Variants in DCC observed in about 807,000 individuals in gnomAD.
DCC encodes DCC netrin 1 receptor.
A neutral mutation model predicts 172.5 loss-of-function variants in DCC; 58 were observed. The observed-to-expected ratio is 0.34, with a 90% confidence interval of 0.27 to 0.42. The LOEUF is 0.42. Among genes scored for constraint, DCC ranks in the 10% least tolerant of loss-of-function variants. The probability of loss-of-function intolerance (pLI) is 1.00; values close to 1 mark genes in which losing one functional copy is unlikely to be tolerated. For missense variants in DCC, 1,740 were observed against 1,791.0 expected, an observed-to-expected ratio of 0.97 and a Z score of 0.51; for synonymous variants, 709 against 644.5, an observed-to-expected ratio of 1.10 and a Z score of -1.52.
chr18:52,687,443 C>A (rs1410874997), intron 1 of DCC, among the ~76,000 whole-genome samples: 1 of 151,996 alleles, frequency 6.6e-6, no homozygotes, highest in East Asian at 1.9e-4. Flanking sequence ...TGCCACCATG[C>A]CCAGCTAATT....
At chr18:52,467,475 C>A (rs923422695) in intron 1 of DCC, among the ~76,000 whole-genome samples, 21 of 152,130 alleles carry the variant, frequency 1.4e-4, no homozygotes, top group Non-Finnish European at 7.3e-5. Context: ...GATTCGAAGT[C>A]TTTGCTATTT....
At chr18:52,407,885 G>A (rs539579567) in intron 1 of DCC, among the ~76,000 whole-genome samples, 1 of 152,016 alleles carries the variant, frequency 6.6e-6, no homozygotes, top group African/African-American at 2.4e-5. Context: ...TATATGGAAA[G>A]CAATGAGATA....
At position 53,384,357 on chromosome 18, in the gene DCC, G is replaced by A. The variant is rs549735437; in HGVS notation, c.2360-1686G>A. On this transcript the variant is annotated intron_variant, in intron 15 of 28. Coordinates refer to ENST00000442544, the MANE Select transcript of DCC (RefSeq NM_005215.4). ...TTTTTCTAAGTCATATATTATTTTT[G>A]TCTGGATGCCTAAAACATTATTTTA... Among the ~76,000 whole-genome samples, 11 of 151,692 alleles carry A rather than the reference G, an allele frequency of 7.3e-5. No homozygotes were observed. The South Asian group carries it at 1.9e-3, about 26-fold the overall frequency.
chr18:52,509,098 T>C (rs1017826432), intron 1 of DCC, among the ~76,000 whole-genome samples: 5 of 152,244 alleles, frequency 3.3e-5, no homozygotes, highest in Non-Finnish European at 5.9e-5. Flanking sequence ...AACCTATTTT[T>C]TCAACTGTAA....
In DCC at chr18:53,534,438, CTAT is replaced by C. The variant is rs2046553073; in HGVS notation, c.*3786_*3788del. 1 of 152,226 alleles carries C rather than the reference CTAT, an allele frequency of 6.6e-6. No homozygotes were observed. The highest frequency in any genetic ancestry group is 2.4e-5 in the African/African-American group (1 of 41,460). The allele number at this position is 152,226 out of a possible 1,614,324, so 9.4% of individuals were successfully genotyped here. ...ATCCTAACCTGCTCATAACCATATA[CTAT>C]ACAGAGCCCACAACTTTCTGGAGAT... On this transcript the variant is annotated 3_prime_UTR_variant, in exon 29 of 29. Transcript: ENST00000442544.
chr18:52,543,269 AT>A (rs1444777807), intron 1 of DCC, among the ~76,000 whole-genome samples: 1 of 152,248 alleles, frequency 6.6e-6, no homozygotes, highest in Non-Finnish European at 1.5e-5. Context: ...AACCCAATAT[AT>A]TTAAAATGTT....
intron 1 of DCC, among the ~76,000 whole-genome samples, chr18:52,748,586 C>T (rs2036945726): frequency 6.6e-6 from 1 of 152,216 alleles, no homozygotes; most frequent in South Asian, 2.1e-4. Flanking sequence ...CCCACTGCAG[C>T]TTCTTGTCGT....
At chr18:52,345,367 C>T (rs770952531) in intron 1 of DCC, among the ~76,000 whole-genome samples, 23 of 152,142 alleles carry the variant, frequency 1.5e-4, no homozygotes, top group African/African-American at 2.9e-4. Context: ...AAAATGTAAA[C>T]GTCAAGTCTT....
chr18:53,132,911 AGTCAT>A (rs955084484), intron 7 of DCC, among the ~76,000 whole-genome samples: 4 of 152,196 alleles, frequency 2.6e-5, no homozygotes, highest in African/African-American at 7.2e-5. Flanking sequence ...CAAAACTTGT[AGTCAT>A]GTTTACAAGC....
intron 16 of DCC, among the ~76,000 whole-genome samples, chr18:53,389,439 A>G (rs914628779): frequency 6.6e-6 from 1 of 152,204 alleles, no homozygotes; most frequent in Non-Finnish European, 1.5e-5. Context: ...GAAATGCTCT[A>G]TATCTGCATC....
In DCC at chr18:53,442,053, A is replaced by C. The variant is rs137958661; in HGVS notation, c.3229+6844A>C. ...GCTTCAGCCTGTTGCTTTCATAATA[A>C]GTCCTTTCATGAGCCCCCACCAACA... On this transcript the variant is annotated intron_variant, in intron 22 of 28. Transcript: ENST00000442544. 7.2e-3 allele frequency among the ~76,000 whole-genome samples: 1,092 copies of C among 152,266 alleles called. 17 individuals carry two copies. Among genetic ancestry groups the C allele is most frequent in the Admixed American group, 0.027 (409 of 15,288 alleles).
At chr18:52,542,686 A>G (rs1299589590) in intron 1 of DCC, among the ~76,000 whole-genome samples, 2 of 152,054 alleles carry the variant, frequency 1.3e-5, no homozygotes, top group African/African-American at 4.8e-5. Flanking sequence ...AACTACAAAA[A>G]AATTTAGCTG....
intron 2 of DCC, among the ~76,000 whole-genome samples, chr18:52,855,273 G>A (rs190624955): frequency 1.3e-5 from 2 of 152,258 alleles, no homozygotes; most frequent in African/African-American, 4.8e-5. Flanking sequence ...AACAAAGTAT[G>A]GCACTTCCAA....
intron 15 of DCC, among the ~76,000 whole-genome samples, chr18:53,340,339 C>A (rs866932939): frequency 6.6e-6 from 1 of 152,028 alleles, no homozygotes; most frequent in Non-Finnish European, 1.5e-5. Flanking sequence ...TTTTCTTTAA[C>A]CTTGAAATAT....
chr18:52,896,950 T>A (rs1308826062), intron 2 of DCC, among the ~76,000 whole-genome samples: 6 of 152,142 alleles, frequency 3.9e-5, no homozygotes, highest in Admixed American at 1.3e-4. Flanking sequence ...AATTATACAA[T>A]GGGGCAAAGT....
intron 1 of DCC, among the ~76,000 whole-genome samples, chr18:52,569,680 G>T (rs2144756074): frequency 6.6e-6 from 1 of 152,164 alleles, no homozygotes; most frequent in African/African-American, 2.4e-5. Flanking sequence ...TACAATTCTG[G>T]CATTATGCTA....
intron 22 of DCC, among the ~76,000 whole-genome samples, chr18:53,437,858 G>A (rs1912050258): frequency 6.6e-6 from 1 of 152,178 alleles, no homozygotes; most frequent in South Asian, 2.1e-4. Flanking sequence ...TGAGCTATGG[G>A]CGCAAACTGA....
intron 27 of DCC, among the ~76,000 whole-genome samples, chr18:53,524,173 A>G (rs931620307): frequency 4.6e-5 from 7 of 152,088 alleles, no homozygotes; most frequent in African/African-American, 1.7e-4. Flanking sequence ...GAAGTAATAC[A>G]TATGTTAAAT....
chr18:53,481,059 C>T (rs951379520), intron 25 of DCC: 2 of 152,200 alleles, frequency 1.3e-5, no homozygotes, highest in African/African-American at 4.8e-5. Context: ...CCTGGCTTTC[C>T]CCAGCATGAG....
Sources: gnomAD v4.1 joint callset for allele counts (sites outside exome capture counted in the v4.1 genomes callset) on GRCh38, gnomAD v4.1.1 for gene constraint, MANE v1.5 for transcripts, NCBI Gene and HGNC (gene_info 2026-07-23, HGNC 2026-07-21) for gene names.